The following FGFR2 variants were observed in gnomAD, a reference collection of about 807,000 sequenced individuals.
FGFR2 encodes the protein fibroblast growth factor receptor 2, also known as BEK fibroblast growth factor receptor.
FGFR2 carries 19 observed loss-of-function variants against 95.9 expected under a neutral mutation model. The ratio of observed to expected loss-of-function variants is 0.20; its 90% CI spans 0.14 to 0.29. The LOEUF (loss-of-function observed/expected upper bound fraction) is 0.29, where lower values mean the gene tolerates loss of function less well. Ranked by LOEUF, FGFR2 falls within the 10% of genes least tolerant of loss-of-function variation. FGFR2 has a pLI of 1.00. For missense variants in FGFR2, 707 were observed against 1,056.9 expected, an observed-to-expected ratio of 0.67 and a Z score of 4.59; for synonymous variants, 392 against 393.3, an observed-to-expected ratio of 1.00 and a Z score of 0.04.
At chr10:121,502,005 C>T (rs2162539) in intron 10 of FGFR2, among the ~76,000 whole-genome samples, 2,793 of 152,300 alleles carry the variant, frequency 0.018, 93 homozygotes, top group Admixed American at 0.08. Flanking sequence ...CCTACGTTTG[C>T]GCTAAACACT....
intron 2 of FGFR2, among the ~76,000 whole-genome samples, chr10:121,592,344 G>C (rs1231996059): frequency 6.6e-6 from 1 of 152,122 alleles, no homozygotes; most frequent in African/African-American, 2.4e-5. Flanking sequence ...ATCACCAAGA[G>C]GCAGTTCCAT....
chr10:121,550,511 C>T (rs3135748), intron 5 of FGFR2, among the ~76,000 whole-genome samples: 11,173 of 152,238 alleles, frequency 0.073, 1,316 homozygotes, highest in African/African-American at 0.25. Flanking sequence ...CATTGTGTGA[C>T]GTGCTCTCAA....
rs121918491 is a variant in FGFR2, at chr10:121,517,371, C to G, written c.1032G>C (p.Ala344=). ...FEDAGEYTCL[A]GNSIGISFHS... is the part of the protein sequence containing the mutation. ...GAAAGGATATCCCAATAGAATTACC[C>G]GCCAAGCACGTATATTCCCCAGCGT... is the stretch of plus-strand genomic sequence containing the variant. Residue 344 remains alanine, a synonymous_variant, in exon 8 of 18, where the codon GCG becomes GCC. Coordinates refer to ENST00000358487, the MANE Select transcript of FGFR2 (RefSeq NM_000141.5). The surrounding 1 kb of genome is among the most constrained non-coding windows in gnomAD (Gnocchi z 4.7). The G allele has an allele frequency of 6.2e-7, 1 of 1,614,176 alleles. No homozygotes were observed. Among genetic ancestry groups the G allele is most frequent in the Non-Finnish European group, 8.5e-7 (1 of 1,180,022 alleles).
At position 121,485,846 on chromosome 10, in the gene FGFR2, G is replaced by A. The variant is rs975125993; in HGVS notation, c.2058-314C>T. Among the ~76,000 whole-genome samples the A allele has an allele frequency of 1.8e-4, 28 of 152,178 alleles. 1 individual carries two copies. The highest frequency in any genetic ancestry group is 6.5e-4 in the African/African-American group (27 of 41,424). ...AGTTTCTCAGTTTCAAAGCCTTTACGCTCCTTTCCAACTCCTTATGTGCCT... is the reference window on the plus strand; with the variant it reads ...AGTTTCTCAGTTTCAAAGCCTTTACACTCCTTTCCAACTCCTTATGTGCCT... On this transcript the variant is annotated intron_variant, in intron 15 of 17. Coordinates refer to ENST00000358487, the MANE Select transcript of FGFR2 (RefSeq NM_000141.5). The surrounding 1 kb of genome is among the most constrained non-coding windows in gnomAD (Gnocchi z 4.2).
At position 121,483,105 on chromosome 10, in the gene FGFR2, A is replaced by G. The variant is rs143859078; in HGVS notation, c.2301+593T>C. Among the ~76,000 whole-genome samples the G allele has an allele frequency of 4.3e-3, 650 of 152,344 alleles. 4 individuals carry two copies. The highest frequency in any genetic ancestry group is 0.015 in the African/African-American group (618 of 41,584). On this transcript the variant is annotated intron_variant, in intron 17 of 17. Transcript: ENST00000358487. ...AGCATAAATATTTTAGGGAAAATAA[A>G]TATTTTAACAAAAGGTACATGTTTT...
At chr10:121,554,150 T>C (rs117999938) in intron 4 of FGFR2, among the ~76,000 whole-genome samples, 3 of 152,176 alleles carry the variant, frequency 2.0e-5, no homozygotes, top group Middle Eastern at 3.2e-3. Flanking sequence ...GCTGCTCATC[T>C]AGGTCTCAGA....
intron 13 of FGFR2, among the ~76,000 whole-genome samples, chr10:121,495,157 GCA>G (rs1846617923): frequency 6.6e-6 from 1 of 152,006 alleles, no homozygotes; most frequent in Admixed American, 6.6e-5. Context: ...CTACATACAC[GCA>G]CACACACGCA....
intron 6 of FGFR2, among the ~76,000 whole-genome samples, chr10:121,536,513 G>C (rs1362444210): frequency 6.6e-6 from 1 of 152,102 alleles, no homozygotes; most frequent in Non-Finnish European, 1.5e-5. Flanking sequence ...TTACACCACT[G>C]AATCATACGC....
chr10:121,493,533 T>C (rs886602085), intron 13 of FGFR2, among the ~76,000 whole-genome samples: 5 of 152,194 alleles, frequency 3.3e-5, no homozygotes, highest in African/African-American at 1.2e-4. Context: ...GTGCTCCGTG[T>C]CCTGATTTTC....
intron 4 of FGFR2, among the ~76,000 whole-genome samples, chr10:121,561,192 A>G (rs1856907468): frequency 6.6e-6 from 1 of 152,128 alleles, no homozygotes; most frequent in African/African-American, 2.4e-5. Context: ...TGGGAGGCCG[A>G]GGCAGGCAGA....
In FGFR2 at chr10:121,485,406, G is replaced by T. The variant is rs1224863755; in HGVS notation, c.2184C>A (p.Cys728Ter). 1 of 1,614,124 alleles carries T rather than the reference G, an allele frequency of 6.2e-7. No homozygotes were observed. Among genetic ancestry groups the T allele is most frequent in the African/African-American group, 1.3e-5 (1 of 75,014 alleles). ...ACAACAGCCCTTACAGTTCGTTGGT[G>T]CAGTTGGCTGGCTTATCCATTCTGT... ...EGHRMDKPAN[C>*]TNELYMMMRD... Residue 728 changes from cysteine to a stop codon, truncating the protein, a stop_gained, in exon 16 of 18, where the codon TGC (cysteine) becomes TGA (stop). Coordinates refer to ENST00000358487, the MANE Select transcript of FGFR2 (RefSeq NM_000141.5). LOFTEE classifies it high-confidence loss of function. This position sits in a 1 kb window ranked among gnomAD's most constrained non-coding sequence, Gnocchi z 4.2.
At chr10:121,483,630 T>C (rs1239983660) in intron 17 of FGFR2, 68 bp downstream of exon 17, 1 of 1,077,344 alleles carries the variant, frequency 9.3e-7, no homozygotes, top group African/African-American at 1.5e-5. Flanking sequence ...GGGGAGTGTG[T>C]GTGTAAAACA....
At chr10:121,482,042 T>C (rs1369046088) in intron 17 of FGFR2, 8 of 712,078 alleles carry the variant, frequency 1.1e-5, no homozygotes, top group Admixed American at 2.2e-5. Context: ...TTTCACCATG[T>C]TGGCCAGGCT....
At chr10:121,580,813 G>C (rs45631614) in intron 2 of FGFR2, among the ~76,000 whole-genome samples, 1,760 of 152,276 alleles carry the variant, frequency 0.012, 18 homozygotes, top group Non-Finnish European at 0.018. Flanking sequence ...TTTGCATAGA[G>C]GTAAAAGCTT....
Position 121,488,173 on chromosome 10 carries a change from G to A in FGFR2, c.1864-60C>T, listed in dbSNP as rs1589723747. ...TTTCAAAACACCGCCAGAACAAAAAGGAAATATGTTCATTTCTTAAAATGC... is the reference window on the plus strand; with the variant it reads ...TTTCAAAACACCGCCAGAACAAAAAAGAAATATGTTCATTTCTTAAAATGC... On this transcript the variant is annotated intron_variant, in intron 13 of 17. Coordinates refer to ENST00000358487, the MANE Select transcript of FGFR2 (RefSeq NM_000141.5). 3 of 1,600,158 alleles carry A rather than the reference G, an allele frequency of 1.9e-6. No individual in the cohort carries two copies. In the East Asian group the frequency reaches 6.7e-5, roughly 36 times the overall value.
At chr10:121,511,093 C>G (rs1208297837) in intron 9 of FGFR2, among the ~76,000 whole-genome samples, 1 of 152,070 alleles carries the variant, frequency 6.6e-6, no homozygotes, top group Non-Finnish European at 1.5e-5. Context: ...GCATGAGCCA[C>G]GGCACCCAGT....
chr10:121,569,882 C>T (rs1858335952), intron 2 of FGFR2, among the ~76,000 whole-genome samples: 1 of 152,222 alleles, frequency 6.6e-6, no homozygotes, highest in African/African-American at 2.4e-5. Context: ...CAGTAATACC[C>T]CTGGGTATCC....
At chr10:121,514,734 G>A (rs887312915) in intron 9 of FGFR2, among the ~76,000 whole-genome samples, 1 of 152,252 alleles carries the variant, frequency 6.6e-6, no homozygotes, top group South Asian at 2.1e-4. Flanking sequence ...CCAAGCGAAT[G>A]TTCATGCTTA....
chr10:121,585,894 G>C (rs1295658988), intron 2 of FGFR2, among the ~76,000 whole-genome samples: 3 of 152,242 alleles, frequency 2.0e-5, no homozygotes, highest in African/African-American at 7.2e-5. Context: ...AGCAGGACAA[G>C]AAGGCTCCTT....
Sources: allele counts gnomAD v4.1 joint callset (sites outside exome capture counted in the v4.1 genomes callset), GRCh38; gene constraint gnomAD v4.1.1; non-coding constraint Gnocchi (gnomAD v3.1); transcripts MANE v1.5; gene names NCBI Gene and HGNC (gene_info 2026-07-23, HGNC 2026-07-21).